Variants in DNAAF11 observed in about 807,000 individuals in gnomAD.
DNAAF11 encodes the protein dynein axonemal assembly factor 11, also known as leucine rich repeat containing 6.
Under a neutral mutation model 60.8 loss-of-function variants are expected in DNAAF11, and 45 were observed. The observed-to-expected ratio is 0.74, with a 90% confidence interval of 0.58 to 0.95. The LOEUF is 0.95. Among genes scored for constraint, DNAAF11 ranks in the 40% least tolerant of loss-of-function variants. The probability of loss-of-function intolerance (pLI) is 0.00; values close to 1 mark genes in which losing one functional copy is unlikely to be tolerated. For synonymous variants in DNAAF11, 191 were observed against 183.5 expected, an observed-to-expected ratio of 1.04 and a Z score of -0.33; for missense variants, 546 against 546.2, an observed-to-expected ratio of 1.00 and a Z score of 0.00.
intron 7 of DNAAF11, among the ~76,000 whole-genome samples, chr8:132,616,568 ATG>A (rs2130115553): frequency 6.6e-6 from 1 of 152,222 alleles, no homozygotes; most frequent in East Asian, 1.9e-4. Context: ...CAAGGGGTGA[ATG>A]TGTGTTACTG....
chr8:132,698,955 T>TAC, the DNAAF11 span, among the ~76,000 whole-genome samples: 335 of 59,404 alleles, frequency 5.6e-3, 3 homozygotes, highest in Admixed American at 0.018. Context: ...TATATATATA[T>TAC]ACACACACAC....
chr8:132,620,701 A>G (rs1819669349), intron 7 of DNAAF11, among the ~76,000 whole-genome samples: 1 of 152,218 alleles, frequency 6.6e-6, no homozygotes, highest in Non-Finnish European at 1.5e-5. Context: ...GGGTTAGGGT[A>G]CAGTAAGAAA....
chr8:132,632,834 C>T lies in DNAAF11; in HGVS notation c.559G>A (p.Ala187Thr). The T allele has an allele frequency of 6.2e-7, 1 of 1,613,844 alleles. No individual in the cohort carries two copies. Among genetic ancestry groups the T allele is most frequent in the Non-Finnish European group, 8.5e-7 (1 of 1,179,846 alleles). The change falls in exon 5 of 12, where the codon GCT becomes ACT. Residue 187 changes from alanine to threonine, a missense_variant. Transcript: ENST00000620350. The stretch of plus-strand genomic sequence containing the variant: ...TCCTCTTCTTGGTGTTTCCTCTGAG[C>T]CTCTTCCTTGAGTTTGGCTCGTTTA... ...CLKRAKLKEE[A>T]QRKHQEEDKN...
intron 10 of DNAAF11, among the ~76,000 whole-genome samples, chr8:132,585,402 T>A (rs75137685): frequency 1.1e-3 from 167 of 152,292 alleles, no homozygotes; most frequent in Middle Eastern, 3.4e-3. Context: ...TTTCCATGGG[T>A]CTCATGGGAG....
chr8:132,610,195 T>C lies in DNAAF11; in HGVS notation c.1111A>G (p.Thr371Ala), dbSNP rs1818514500. 1 of 1,613,928 alleles carries C rather than the reference T, an allele frequency of 6.2e-7. No individual in the cohort carries two copies. Among genetic ancestry groups the C allele is most frequent in the African/African-American group, 1.3e-5 (1 of 75,014 alleles). ...DSSSAKRSQTTGHLVICMPKV... is the reference protein window; with the variant it reads ...DSSSAKRSQTAGHLVICMPKV... ...GGCATGCAGATGACCAAATGACCCG[T>C]TGTCTGAGATCTTTTAGCAGAACTA... The change falls in exon 10 of 12, where the codon ACG (threonine) becomes GCG (alanine). Residue 371 changes from threonine to alanine, a missense_variant. By Grantham distance (58) the Thr-to-Ala change is moderately conservative. Coordinates refer to ENST00000620350, the MANE Select transcript of DNAAF11 (RefSeq NM_012472.6).
intron 1 of DNAAF11, among the ~76,000 whole-genome samples, chr8:132,670,607 C>T (rs921916354): frequency 1.3e-5 from 2 of 152,052 alleles, no homozygotes; most frequent in African/African-American, 4.8e-5. Flanking sequence ...TAATACTTCC[C>T]ATTATATTCT....
chr8:132,610,160 A>T lies in DNAAF11; in HGVS notation c.1140+6T>A, dbSNP rs773041232. ...ACTTGAAATTGACCCAAATGACATG[A>T]CCTACCTTGGGCATGCAGATGACCA... On this transcript the variant is annotated splice_donor_region_variant and intron_variant, in intron 10 of 11. Coordinates refer to ENST00000620350, the MANE Select transcript of DNAAF11 (RefSeq NM_012472.6). The T allele has an allele frequency of 4.2e-5, 68 of 1,608,918 alleles. No homozygotes were observed. Among genetic ancestry groups the T allele is most frequent in the Non-Finnish European group, 5.7e-5 (67 of 1,175,458 alleles).
Position 132,581,564 on chromosome 8 carries a change from C to T in DNAAF11, c.1226+2130G>A, listed in dbSNP as rs374597643. The stretch of plus-strand genomic sequence containing the variant: ...ACTCGGGAGGCTGAGGCTGGAGAAT[C>T]GCTTGAATCCAGGAGGCAGAGGTTG... On this transcript the variant is annotated intron_variant, in intron 11 of 11. Coordinates refer to ENST00000620350, the MANE Select transcript of DNAAF11 (RefSeq NM_012472.6). Among the ~76,000 whole-genome samples, 677 of 150,734 alleles carry T rather than the reference C, an allele frequency of 4.5e-3. 3 individuals carry two copies. Among genetic ancestry groups the T allele is most frequent in the African/African-American group, 0.016 (640 of 41,076 alleles).
chr8:132,685,295 G>A, the DNAAF11 span, among the ~76,000 whole-genome samples: 1 of 152,264 alleles, frequency 6.6e-6, no homozygotes, highest in East Asian at 1.9e-4. Flanking sequence ...ATAGGGATGT[G>A]AGTACATGAA....
chr8:132,610,097 C>T (rs1818502489), intron 10 of DNAAF11, 69 bp downstream of exon 10: 9 of 1,095,242 alleles, frequency 8.2e-6, no homozygotes, highest in African/African-American at 7.7e-5. Flanking sequence ...ATCATTAGTC[C>T]TGACAGGTCA....
chr8:132,611,379 C>A lies in DNAAF11; in HGVS notation c.975-16G>T. On this transcript the variant is annotated splice_polypyrimidine_tract_variant and intron_variant, in intron 8 of 11. Coordinates refer to ENST00000620350, the MANE Select transcript of DNAAF11 (RefSeq NM_012472.6). ...ATCCATATACCTTCAAAATTAAACA[C>A]AGAAAATCTTATAATTTTAAAAAAT... 6.8e-7 allele frequency: 1 copy of A among 1,480,352 alleles called. No homozygotes were observed. Among genetic ancestry groups the A allele is most frequent in the South Asian group, 1.2e-5 (1 of 86,548 alleles). The allele number at this position is 1,480,352 out of a possible 1,614,324, so 91.7% of individuals were successfully genotyped here.
At chr8:132,675,957 TCTC>T (rs1047917666), upstream of DNAAF11, among the ~76,000 whole-genome samples, 5 of 152,130 alleles carry the variant, frequency 3.3e-5, no homozygotes, top group Admixed American at 6.5e-5. Context: ...TACACTTCCT[TCTC>T]CTCAGTTTGC....
chr8:132,691,181 T>C, the DNAAF11 span, among the ~76,000 whole-genome samples: 3 of 152,206 alleles, frequency 2.0e-5, no homozygotes, highest in African/African-American at 7.2e-5. Context: ...ATTTCATTAC[T>C]TATTTATATC....
intron 1 of DNAAF11, among the ~76,000 whole-genome samples, chr8:132,672,999 A>G (rs1813068308): frequency 6.6e-6 from 1 of 152,212 alleles, no homozygotes; most frequent in African/African-American, 2.4e-5. Flanking sequence ...AGGCAGCGGA[A>G]AAAAGGGCAC....
intron 3 of DNAAF11, among the ~76,000 whole-genome samples, chr8:132,652,733 T>C (rs1032246475): frequency 2.0e-5 from 3 of 151,880 alleles, no homozygotes; most frequent in Admixed American, 6.6e-5. Context: ...TAAGTGGGAA[T>C]TGAACAATAA....
rs527926539 is a variant in DNAAF11, at chr8:132,675,490, C to T, written c.4G>A (p.Gly2Ser). The T allele has an allele frequency of 6.4e-7, 1 of 1,568,104 alleles. No homozygotes were observed. Among genetic ancestry groups the T allele is most frequent in the Non-Finnish European group, 8.7e-7 (1 of 1,153,912 alleles). ...AAGGTGGAGGGGGGCTTACTCCAGC[C>T]CATGGCGCCTCTCCAGTTCGCTGAC... is the stretch of plus-strand genomic sequence containing the variant. M[G>S]WITEDLIRRN... is the part of the protein sequence containing the mutation. The change falls in exon 1 of 12, where the codon GGC becomes AGC. Residue 2 changes from glycine to serine, a missense_variant. Transcript: ENST00000620350.
intron 1 of DNAAF11, among the ~76,000 whole-genome samples, chr8:132,668,687 C>G (rs909169499): frequency 1.3e-5 from 2 of 152,008 alleles, no homozygotes; most frequent in African/African-American, 4.8e-5. Flanking sequence ...CATGTTCCAC[C>G]CCCCTCAGCC....
At chr8:132,604,183 C>G (rs1296137237) in intron 10 of DNAAF11, among the ~76,000 whole-genome samples, 1 of 152,146 alleles carries the variant, frequency 6.6e-6, no homozygotes, top group Non-Finnish European at 1.5e-5. Context: ...CCAGGCAACA[C>G]TATAGACCCA....
chr8:132,661,755 C>A (rs190135459), intron 1 of DNAAF11, 128 bp from the exon 2 acceptor site: 379 of 909,478 alleles, frequency 4.2e-4, no homozygotes, highest in Non-Finnish European at 5.9e-4. Context: ...CAGGCCCAAG[C>A]GATTTTCAAA....
Sources: gnomAD v4.1 joint callset for allele counts (sites outside exome capture counted in the v4.1 genomes callset) on GRCh38, gnomAD v4.1.1 for gene constraint, MANE v1.5 for transcripts, NCBI Gene and HGNC (gene_info 2026-07-23, HGNC 2026-07-21) for gene names.